The following RMDN1 variants were observed in gnomAD, a reference collection of about 807,000 sequenced individuals.
The protein encoded by RMDN1 is regulator of microtubule dynamics protein 1.
A neutral mutation model predicts 48.9 loss-of-function variants in RMDN1; 48 were observed. That is an observed-to-expected ratio of 0.98 (90% CI 0.78 to 1.25). The LOEUF is 1.25. Among genes scored for constraint, RMDN1 ranks in the 50% most tolerant of loss-of-function variants. The probability of loss-of-function intolerance (pLI) is 0.00; values close to 1 mark genes in which losing one functional copy is unlikely to be tolerated. For synonymous variants in RMDN1, 148 were observed against 132.6 expected, an observed-to-expected ratio of 1.12 and a Z score of -0.80; for missense variants, 418 against 373.4, an observed-to-expected ratio of 1.12 and a Z score of -0.98.
At chr8:86,491,239 A>C (rs1816447541) in intron 2 of RMDN1, among the ~76,000 whole-genome samples, 1 of 151,960 alleles carries the variant, frequency 6.6e-6, no homozygotes, top group South Asian at 2.1e-4. Flanking sequence ...AGTTCAAGCG[A>C]TTCTCCTGCC....
At chr8:86,497,951 C>T (rs923742829) in intron 2 of RMDN1, among the ~76,000 whole-genome samples, 7 of 151,818 alleles carry the variant, frequency 4.6e-5, no homozygotes, top group Admixed American at 1.3e-4. Context: ...AAAAAATTAG[C>T]GAGGTGTGGT....
At chr8:86,476,188 G>C (rs918305684) in intron 8 of RMDN1, among the ~76,000 whole-genome samples, 3 of 152,058 alleles carry the variant, frequency 2.0e-5, no homozygotes, top group Non-Finnish European at 4.4e-5. Flanking sequence ...AAGTCTCTAA[G>C]GTCCTATATT....
chr8:86,474,388 A>G (rs1330130209), intron 9 of RMDN1, 30 bp from the exon 10 acceptor site: 11 of 1,536,204 alleles, frequency 7.2e-6, no homozygotes, highest in African/African-American at 2.7e-5. Flanking sequence ...GTTATAAGTA[A>G]ACAGGAGAGC....
intron 8 of RMDN1, 95 bp from the exon 9 acceptor site, chr8:86,475,048 G>A (rs1016780281): frequency 2.8e-6 from 3 of 1,083,852 alleles, no homozygotes; most frequent in African/African-American, 3.2e-5. Flanking sequence ...ATAAATTTGT[G>A]TGGTCAATAA....
rs780093211 is a variant in RMDN1, at chr8:86,474,297, C to T, written c.*11G>A. 2 of 1,613,176 alleles carry T rather than the reference C, an allele frequency of 1.2e-6. No homozygotes were observed. The highest frequency in any genetic ancestry group is 1.3e-5 in the African/African-American group (1 of 74,880). ...TTATTAGCTATTTCATAAATCTTCT[C>T]TGAAAAGTTCTCAATTCTTCTCACT... On this transcript the variant is annotated 3_prime_UTR_variant, in exon 10 of 10. Transcript: ENST00000406452.
chr8:86,505,175 T>G, intron 2 of RMDN1: 3 of 1,027,164 alleles, frequency 2.9e-6, no homozygotes, highest in Non-Finnish European at 4.0e-6. Flanking sequence ...GCTACTTGAT[T>G]CCTTTCTTAT....
downstream of RMDN1, chr8:86,470,537 C>T (rs1379679170): frequency 3.1e-6 from 2 of 646,026 alleles, no homozygotes; most frequent in South Asian, 1.9e-5. Context: ...ACCCAGGAGC[C>T]ACACTCCTGG....
chr8:86,488,717 A>C lies in RMDN1; in HGVS notation c.248-78T>G, dbSNP rs368485929. On this transcript the variant is annotated intron_variant, in intron 2 of 9. Coordinates refer to ENST00000406452, the MANE Select transcript of RMDN1 (RefSeq NM_016033.3). ...AGATGACAATAATTCAAAGAAACTT[A>C]AACACTTTTATATATAAGCAAATGA... is the stretch of plus-strand genomic sequence containing the variant. The C allele has an allele frequency of 9.2e-5, 85 of 926,198 alleles. No individual in the cohort carries two copies. In the African/African-American group the frequency reaches 1.2e-3, roughly 13 times the overall value. 57.4% of individuals were successfully genotyped at this position (926,198 alleles called of 1,614,324 possible). A position where few individuals can be genotyped will look rare whatever the true frequency, so the allele number is the denominator to read the frequency against.
rs149115342 is a variant in RMDN1, at chr8:86,501,690, C to A, written c.247+5305G>T. ...TCTCAAAAAAAAAATAAGTTCTAATCTCCACTCTAACATTTTGACTTTCAA... is the reference window on the plus strand; with the variant it reads ...TCTCAAAAAAAAAATAAGTTCTAATATCCACTCTAACATTTTGACTTTCAA... On this transcript the variant is annotated intron_variant, in intron 2 of 9. Transcript: ENST00000406452. Among the ~76,000 whole-genome samples the A allele has an allele frequency of 3.6e-3, 535 of 146,898 alleles. 2 individuals are homozygous for A. Among genetic ancestry groups the A allele is most frequent in the Admixed American group, 9.6e-3 (132 of 13,752 alleles).
upstream of RMDN1, among the ~76,000 whole-genome samples, chr8:86,511,256 C>T (rs1461376689): frequency 5.3e-5 from 8 of 151,874 alleles, no homozygotes; most frequent in African/African-American, 9.7e-5. Flanking sequence ...GGGCAGATCA[C>T]GAGGTCAGGA....
downstream of RMDN1, chr8:86,470,133 A>T: frequency 7.9e-7 from 1 of 1,273,506 alleles, no homozygotes; most frequent in Non-Finnish European, 1.0e-6. Context: ...TCATATCCTC[A>T]AAAGGAAGGA....
intron 2 of RMDN1, among the ~76,000 whole-genome samples, chr8:86,502,131 G>T (rs1357576804): frequency 6.6e-6 from 1 of 151,980 alleles, no homozygotes; most frequent in Non-Finnish European, 1.5e-5. Flanking sequence ...TAAAAAGTGA[G>T]GATTGTAAAA....
intron 2 of RMDN1, among the ~76,000 whole-genome samples, chr8:86,495,120 C>T (rs1248575080): frequency 6.6e-6 from 1 of 152,156 alleles, no homozygotes; most frequent in Non-Finnish European, 1.5e-5. Flanking sequence ...AGTAGACTGG[C>T]ACATGCTGAA....
intron 5 of RMDN1, among the ~76,000 whole-genome samples, chr8:86,483,888 G>A (rs1357590573): frequency 3.4e-5 from 5 of 144,950 alleles, no homozygotes; most frequent in Non-Finnish European, 6.0e-5. Flanking sequence ...AGACTCCTAT[G>A]CAATTCTTTG....
chr8:86,473,765 C>T lies in RMDN1; in HGVS notation c.*543G>A, dbSNP rs1046321060. ...TGGGAAACAAAGTGAGACTCTGTCTCAAAAAAATAAAAAAGGAAACTACTC... is the reference window on the plus strand; with the variant it reads ...TGGGAAACAAAGTGAGACTCTGTCTTAAAAAAATAAAAAAGGAAACTACTC... On this transcript the variant is annotated 3_prime_UTR_variant, in exon 10 of 10. Coordinates refer to ENST00000406452, the MANE Select transcript of RMDN1 (RefSeq NM_016033.3). 35 of 949,750 alleles carry T rather than the reference C, an allele frequency of 3.7e-5. No individual in the cohort carries two copies. The African/African-American group carries it at 5.9e-4, about 16-fold the overall frequency. The allele number at this position is 949,750 out of a possible 1,614,324, so 58.8% of individuals were successfully genotyped here.
In RMDN1 at chr8:86,508,548, C is replaced by A. The variant is rs1819789356; in HGVS notation, c.73G>T (p.Ala25Ser). The A allele has an allele frequency of 1.3e-6, 2 of 1,591,150 alleles. No homozygotes were observed. Among genetic ancestry groups the A allele is most frequent in the Non-Finnish European group, 1.7e-6 (2 of 1,171,064 alleles). ...RGAAPGSRLPAGTSGSRGHCG... is the reference protein window; with the variant it reads ...RGAAPGSRLPSGTSGSRGHCG... ...TGCCCGCGGCTGCCCGAAGTCCCCG[C>A]AGGGAGACGAGACCCCGGGGCGGCT... The change falls in exon 1 of 10, where the codon GCG (alanine) becomes TCG (serine). Residue 25 changes from alanine to serine, a missense_variant. Transcript: ENST00000406452.
chr8:86,492,010 CTG>C (rs528305327), intron 2 of RMDN1, among the ~76,000 whole-genome samples: 260 of 152,282 alleles, frequency 1.7e-3, no homozygotes, highest in African/African-American at 6.1e-3. Flanking sequence ...ACCAATAATA[CTG>C]TGTCTCAGCA....
intron 2 of RMDN1, 76 bp from the exon 3 acceptor site, chr8:86,488,715 T>G: frequency 1.1e-6 from 1 of 921,542 alleles, no homozygotes; most frequent in Non-Finnish European, 1.6e-6. Context: ...TCAAAGAAAC[T>G]TAAACACTTT....
chr8:86,503,350 TCAAAACAAAA>T (rs1178103772), intron 2 of RMDN1, among the ~76,000 whole-genome samples: 12 of 104,916 alleles, frequency 1.1e-4, no homozygotes, highest in Admixed American at 7.2e-4. Flanking sequence ...AGACTCCGTC[TCAAAACAAAA>T]CAAAACAAAA....
Sources: allele counts gnomAD v4.1 joint callset (sites outside exome capture counted in the v4.1 genomes callset), GRCh38; gene constraint gnomAD v4.1.1; transcripts MANE v1.5; gene names NCBI Gene and HGNC (gene_info 2026-07-23, HGNC 2026-07-21).